GPHN: variants seen among roughly 807,000 people sequenced by gnomAD.
GPHN encodes the protein gephyrin.
Under a neutral mutation model 95.5 loss-of-function variants are expected in GPHN, and 17 were observed. That is an observed-to-expected ratio of 0.18 (90% CI 0.12 to 0.27). The LOEUF (loss-of-function observed/expected upper bound fraction) is 0.27, where lower values mean the gene tolerates loss of function less well. GPHN is among the 10% of genes least tolerant of loss of function. The probability of loss-of-function intolerance (pLI) is 1.00; values close to 1 mark genes in which losing one functional copy is unlikely to be tolerated. For missense variants in GPHN, 660 were observed against 978.1 expected, an observed-to-expected ratio of 0.67 and a Z score of 4.34; for synonymous variants, 320 against 322.5, an observed-to-expected ratio of 0.99 and a Z score of 0.08.
the GPHN span, among the ~76,000 whole-genome samples, chr14:67,393,635 G>T: frequency 6.6e-6 from 1 of 152,056 alleles, no homozygotes; most frequent in East Asian, 1.9e-4. Flanking sequence ...TGTAGTTTTA[G>T]TAGAGATGGG....
chr14:67,221,869 G>T, the GPHN span: 8 of 1,590,678 alleles, frequency 5.0e-6, no homozygotes, highest in East Asian at 1.8e-4. Flanking sequence ...GTCATCTCTG[G>T]TTCCTAGAAG....
At chr14:67,108,712 G>GGGGTGTGTGTGT (rs5809330) in intron 13 of GPHN, among the ~76,000 whole-genome samples, 1 of 131,142 alleles carries the variant, frequency 7.6e-6, no homozygotes, top group African/African-American at 2.9e-5. Flanking sequence ...TTCCCTAAGG[G>GGGGTGTGTGTGT]GTGTGTGTGT....
At chr14:66,772,579 T>G (rs1031511478) in intron 2 of GPHN, among the ~76,000 whole-genome samples, 14 of 152,332 alleles carry the variant, frequency 9.2e-5, no homozygotes, top group Admixed American at 7.8e-4. Flanking sequence ...CTTGTCAGAT[T>G]ATTTCAAAGA....
the GPHN span, among the ~76,000 whole-genome samples, chr14:67,367,294 G>T: frequency 6.6e-6 from 1 of 152,136 alleles, no homozygotes. Flanking sequence ...GCAGTGGCAC[G>T]ATCTTGGCTC....
At chr14:67,253,168 A>G in the GPHN span, among the ~76,000 whole-genome samples, 4 of 152,206 alleles carry the variant, frequency 2.6e-5, no homozygotes, top group Non-Finnish European at 4.4e-5. Flanking sequence ...CTGATTCCTT[A>G]TCTGCAGAAT....
chr14:67,302,021 A>T, the GPHN span: 1 of 1,610,594 alleles, frequency 6.2e-7, no homozygotes, highest in Middle Eastern at 1.7e-4. Flanking sequence ...ATGCAGCTAG[A>T]GCCCATTACA....
chr14:66,631,280 C>A (rs942513072), intron 1 of GPHN, among the ~76,000 whole-genome samples: 3 of 152,028 alleles, frequency 2.0e-5, no homozygotes, highest in African/African-American at 7.2e-5. Context: ...AACTCCTGAC[C>A]TCATGATCCA....
the GPHN span, chr14:67,204,673 C>G: frequency 6.2e-7 from 1 of 1,613,924 alleles, no homozygotes; most frequent in East Asian, 2.2e-5. Context: ...CTTGTTTTCT[C>G]AATGGGTGGC....
Position 67,111,933 on chromosome 14 carries a change from A to G in GPHN, c.1472+14A>G, listed in dbSNP as rs1197461579. On this transcript the variant is annotated intron_variant, in intron 15 of 22. Transcript: ENST00000478722. ...CCAAGATATCAGGTAACTTCAAAAC[A>G]CATAGAATATATAGCCTACTTTTGT... The G allele has an allele frequency of 6.3e-7, 1 of 1,594,162 alleles. No individual in the cohort carries two copies. Among genetic ancestry groups the G allele is most frequent in the Non-Finnish European group, 8.6e-7 (1 of 1,161,812 alleles).
chr14:66,793,275 A>C (rs1364935474), intron 3 of GPHN, among the ~76,000 whole-genome samples: 1 of 152,260 alleles, frequency 6.6e-6, no homozygotes. Flanking sequence ...TTAAAAAACA[A>C]TACATGTATA....
At chr14:66,972,454 A>G (rs1325756346) in intron 9 of GPHN, among the ~76,000 whole-genome samples, 2 of 151,914 alleles carry the variant, frequency 1.3e-5, no homozygotes, top group Non-Finnish European at 2.9e-5. Flanking sequence ...TAAAAATGGT[A>G]TTCTGTATTA....
At chr14:66,879,177 G>C (rs942576518) in intron 4 of GPHN, among the ~76,000 whole-genome samples, 1 of 151,952 alleles carries the variant, frequency 6.6e-6, no homozygotes, top group African/African-American at 2.4e-5. Context: ...TGGACACACA[G>C]AGGGAAACAT....
intron 9 of GPHN, among the ~76,000 whole-genome samples, chr14:66,979,406 C>G (rs1006672195): frequency 6.6e-6 from 1 of 152,248 alleles, no homozygotes; most frequent in African/African-American, 2.4e-5. Context: ...GCTTCTACAG[C>G]AGCACTTGCT....
chr14:67,089,406 G>T (rs1241847731), intron 12 of GPHN, among the ~76,000 whole-genome samples: 1 of 151,772 alleles, frequency 6.6e-6, no homozygotes, highest in Non-Finnish European at 1.5e-5. Context: ...TTTAGATACA[G>T]GCATACAATG....
intron 13 of GPHN, among the ~76,000 whole-genome samples, chr14:67,101,652 A>T (rs989422948): frequency 2.6e-5 from 4 of 151,558 alleles, no homozygotes; most frequent in African/African-American, 4.8e-5. Context: ...TTCAAAGTAG[A>T]AAAAAACTGA....
chr14:67,321,112 T>C, the GPHN span: 7 of 1,614,042 alleles, frequency 4.3e-6, no homozygotes, highest in African/African-American at 9.3e-5. Flanking sequence ...ACCACTTTGT[T>C]TCGCGGCAAG....
At chr14:67,370,758 G>A in the GPHN span, among the ~76,000 whole-genome samples, 8 of 152,152 alleles carry the variant, frequency 5.3e-5, no homozygotes, top group African/African-American at 1.9e-4. Context: ...CAGCACAGTG[G>A]TTCATGTCTG....
chr14:66,744,219 A>G (rs564991287), intron 2 of GPHN, among the ~76,000 whole-genome samples: 4 of 152,288 alleles, frequency 2.6e-5, no homozygotes, highest in African/African-American at 9.6e-5. Flanking sequence ...ACAAAATTTA[A>G]TTTTATTACG....
At chr14:67,634,597 A>C in the GPHN span, among the ~76,000 whole-genome samples, 3 of 150,738 alleles carry the variant, frequency 2.0e-5, no homozygotes, top group East Asian at 3.9e-4. Flanking sequence ...GTGTCTCCAA[A>C]AAAAAAAAAA....
Sources: allele counts gnomAD v4.1 joint callset (sites outside exome capture counted in the v4.1 genomes callset), GRCh38; gene constraint gnomAD v4.1.1; transcripts MANE v1.5; gene names NCBI Gene and HGNC (gene_info 2026-07-23, HGNC 2026-07-21).